The following NSD2 variants were observed in gnomAD, a reference collection of about 807,000 sequenced individuals.
NSD2 encodes histone-lysine N-methyltransferase NSD2.
A neutral mutation model predicts 139.0 loss-of-function variants in NSD2; 12 were observed. That is an observed-to-expected ratio of 0.09 (90% CI 0.06 to 0.14). NSD2 has a LOEUF of 0.14. Among genes scored for constraint, NSD2 ranks in the 10% least tolerant of loss-of-function variants. NSD2 has a pLI of 1.00. For synonymous variants in NSD2, 669 were observed against 648.7 expected, an observed-to-expected ratio of 1.03 and a Z score of -0.48; for missense variants, 1,155 against 1,745.0, an observed-to-expected ratio of 0.66 and a Z score of 6.02.
intron 2 of NSD2, 47 bp from the exon 3 acceptor site, chr4:1,904,169 G>C (rs770736637): frequency 6.3e-7 from 1 of 1,587,966 alleles, no homozygotes; most frequent in African/African-American, 1.3e-5. Context: ...GGATACACAG[G>C]TAGTGATTGG....
At chr4:1,952,039 C>A in intron 10 of NSD2, 69 bp from the exon 11 acceptor site, 1 of 1,557,912 alleles carries the variant, frequency 6.4e-7, no homozygotes, top group South Asian at 1.2e-5. Flanking sequence ...AAGCAGACGG[C>A]TTCCCTTGTG....
Position 1,948,310 on chromosome 4 carries a change from A to G in NSD2, c.1882-2762A>G. 2 of 1,065,752 alleles carry G rather than the reference A, an allele frequency of 1.9e-6. No homozygotes were observed. The highest frequency in any genetic ancestry group is 4.5e-5 in the South Asian group (1 of 21,982). The allele number at this position is 1,065,752 out of a possible 1,614,324, so 66.0% of individuals were successfully genotyped here. A position where few individuals can be genotyped will look rare whatever the true frequency, so the allele number is the denominator to read the frequency against. On this transcript the variant is annotated intron_variant, in intron 9 of 21. Transcript: ENST00000508803. The surrounding 1 kb of genome is among the most constrained non-coding windows in gnomAD (Gnocchi z 4.5). ...AAATGCATCTCGTTGGATATGGAATAGATCGTAGATGTTGTAGACTGAGAT... is the reference window on the plus strand; with the variant it reads ...AAATGCATCTCGTTGGATATGGAATGGATCGTAGATGTTGTAGACTGAGAT...
intron 1 of NSD2, among the ~76,000 whole-genome samples, chr4:1,872,591 T>A (rs7673596): frequency 0.074 from 3,293 of 44,702 alleles, 227 homozygotes; most frequent in African/African-American, 0.14. Context: ...TGTGTGTGTG[T>A]GAGAGAGAGA....
chr4:1,877,495 G>A (rs1224975424), intron 1 of NSD2, among the ~76,000 whole-genome samples: 1 of 152,134 alleles, frequency 6.6e-6, no homozygotes, highest in African/African-American at 2.4e-5. Context: ...CCTTTGTGTG[G>A]TCAATTTTTG....
Position 1,948,412 on chromosome 4 carries a change from G to C in NSD2, c.1882-2660G>C. 7.5e-6 allele frequency: 8 copies of C among 1,066,374 alleles called. No homozygotes were observed. Among genetic ancestry groups the C allele is most frequent in the Non-Finnish European group, 9.1e-6 (8 of 878,992 alleles). The allele number at this position is 1,066,374 out of a possible 1,614,324, so 66.1% of individuals were successfully genotyped here. ...TTCTCCGAGTGAGTCACGTCACCTGGTGCGTGGAGGTGGAGCCTGCGGCTG... is the reference window on the plus strand; with the variant it reads ...TTCTCCGAGTGAGTCACGTCACCTGCTGCGTGGAGGTGGAGCCTGCGGCTG... On this transcript the variant is annotated intron_variant, in intron 9 of 21. Coordinates refer to ENST00000508803, the MANE Select transcript of NSD2 (RefSeq NM_001042424.3). This position sits in a 1 kb window ranked among gnomAD's most constrained non-coding sequence, Gnocchi z 4.5.
At chr4:1,887,848 A>C (rs916778602) in intron 1 of NSD2, among the ~76,000 whole-genome samples, 1 of 151,802 alleles carries the variant, frequency 6.6e-6, no homozygotes, top group African/African-American at 2.4e-5. Context: ...AAGTTTTTCA[A>C]ATGAACTGTA....
At chr4:1,951,453 C>T (rs1412823130) in intron 10 of NSD2, among the ~76,000 whole-genome samples, 1 of 7,582 alleles carries the variant, frequency 1.3e-4, no homozygotes, top group Admixed American at 1.8e-3. Flanking sequence ...TACACACACA[C>T]ACACACACAC....
intron 1 of NSD2, among the ~76,000 whole-genome samples, chr4:1,896,843 T>C (rs57235054): frequency 0.037 from 5,585 of 151,848 alleles, 351 homozygotes; most frequent in African/African-American, 0.13. Flanking sequence ...CTCTTCTCTT[T>C]TCTTTTCTTT....
At chr4:1,886,047 T>C (rs1259353965) in intron 1 of NSD2, among the ~76,000 whole-genome samples, 2 of 152,138 alleles carry the variant, frequency 1.3e-5, no homozygotes, top group African/African-American at 4.8e-5. Flanking sequence ...CCAACCAAAA[T>C]GTTGAAGCAT....
intron 1 of NSD2, among the ~76,000 whole-genome samples, chr4:1,898,658 TAA>T (rs967880779): frequency 1.7e-5 from 2 of 119,298 alleles, no homozygotes; most frequent in Non-Finnish European, 1.8e-5. Context: ...AGACTCCGTC[TAA>T]AAAAAAAAAA....
At position 1,976,136 on chromosome 4, in the gene NSD2, G is replaced by T. The variant is rs952687185; in HGVS notation, c.3622-339G>T. Among the ~76,000 whole-genome samples the T allele has an allele frequency of 3.3e-5, 5 of 152,206 alleles. No homozygotes were observed. Among genetic ancestry groups the T allele is most frequent in the African/African-American group, 4.8e-5 (2 of 41,460 alleles). Reference sequence around the variant, plus strand: ...TTTCCTAATGAGGAGACCCTGGGTGGCGGGCGGGAGCTGTTCTGCCTGTGG... The same window carrying T: ...TTTCCTAATGAGGAGACCCTGGGTGTCGGGCGGGAGCTGTTCTGCCTGTGG... On this transcript the variant is annotated intron_variant, in intron 20 of 21. Coordinates refer to ENST00000508803, the MANE Select transcript of NSD2 (RefSeq NM_001042424.3). The surrounding 1 kb of genome is among the most constrained non-coding windows in gnomAD (Gnocchi z 5.3).
intron 18 of NSD2, among the ~76,000 whole-genome samples, chr4:1,967,103 G>A (rs2108995965): frequency 6.6e-6 from 1 of 152,232 alleles, no homozygotes; most frequent in East Asian, 1.9e-4. Flanking sequence ...CATTATTACT[G>A]CTTCTACAGA....
At chr4:1,977,343 A>G (rs1450755611) in intron 21 of NSD2, among the ~76,000 whole-genome samples, 1 of 152,110 alleles carries the variant, frequency 6.6e-6, no homozygotes, top group East Asian at 1.9e-4. Context: ...TCGTGAGATG[A>G]CTCTGGCGGT....
chr4:1,894,126 T>C (rs1468764229), intron 1 of NSD2, among the ~76,000 whole-genome samples: 1 of 152,000 alleles, frequency 6.6e-6, no homozygotes, highest in Non-Finnish European at 1.5e-5. Context: ...CTGGCTAAAT[T>C]TAAAATTTTT....
chr4:1,981,558 G>T lies in NSD2; in HGVS notation c.*2649G>T. On this transcript the variant is annotated 3_prime_UTR_variant, in exon 22 of 22. Coordinates refer to ENST00000508803, the MANE Select transcript of NSD2 (RefSeq NM_001042424.3). ...TGTGCGCCCACAGGGGGATGTGTCC[G>T]AATGGGCAGCTTAAAATGTGGTCAC... The T allele has an allele frequency of 3.1e-6, 1 of 323,226 alleles. No individual in the cohort carries two copies. Among genetic ancestry groups the T allele is most frequent in the Non-Finnish European group, 5.6e-6 (1 of 178,104 alleles). 20.0% of individuals were successfully genotyped at this position (323,226 alleles called of 1,614,324 possible). A position where few individuals can be genotyped will look rare whatever the true frequency, so the allele number is the denominator to read the frequency against.
chr4:1,966,657 A>C (rs1725921238), intron 18 of NSD2, among the ~76,000 whole-genome samples: 1 of 133,458 alleles, frequency 7.5e-6, no homozygotes. Context: ...ACTCTGTCTC[A>C]AAAAAAAAAA....
chr4:1,895,424 A>G (rs933072131), intron 1 of NSD2, among the ~76,000 whole-genome samples: 21 of 152,164 alleles, frequency 1.4e-4, no homozygotes, highest in African/African-American at 5.1e-4. Context: ...CATGGTTTTC[A>G]TCTCTTTATC....
chr4:1,876,450 G>T (rs1452588956), intron 1 of NSD2, among the ~76,000 whole-genome samples: 1 of 152,144 alleles, frequency 6.6e-6, no homozygotes, highest in Non-Finnish European at 1.5e-5. Flanking sequence ...CAGCACTTTG[G>T]GAGGCTGAGG....
intron 1 of NSD2, chr4:1,899,313 T>C (rs1260154399): frequency 2.0e-5 from 3 of 152,226 alleles, no homozygotes; most frequent in Admixed American, 2.0e-4. Flanking sequence ...ACTGTGGACA[T>C]CTCGGGCCGC....
Sources: allele counts gnomAD v4.1 joint callset (sites outside exome capture counted in the v4.1 genomes callset), GRCh38; gene constraint gnomAD v4.1.1; non-coding constraint Gnocchi (gnomAD v3.1); transcripts MANE v1.5; gene names NCBI Gene and HGNC (gene_info 2026-07-23, HGNC 2026-07-21).